The following ZNF333 variants were observed in gnomAD, a reference collection of about 807,000 sequenced individuals.
ZNF333 encodes zinc finger protein 333.
In ZNF333, 61 loss-of-function variants were observed where a neutral mutation model predicts 76.1. The ratio of observed to expected loss-of-function variants is 0.80; its 90% CI spans 0.65 to 0.99. The LOEUF is 0.99. Ranked by LOEUF, ZNF333 falls within the 50% of genes least tolerant of loss-of-function variation. The pLI is 0.00. For synonymous variants in ZNF333, 284 were observed against 305.0 expected, an observed-to-expected ratio of 0.93 and a Z score of 0.72; for missense variants, 717 against 822.4, an observed-to-expected ratio of 0.87 and a Z score of 1.57.
chr19:14,712,671 C>T (rs1308609942), intron 7 of ZNF333, among the ~76,000 whole-genome samples: 1 of 152,092 alleles, frequency 6.6e-6, no homozygotes, highest in Non-Finnish European at 1.5e-5. Flanking sequence ...CCTTGGTGCT[C>T]CTTGGCTTGT....
At chr19:14,697,363 T>C (rs1238427016) in intron 4 of ZNF333, among the ~76,000 whole-genome samples, 10 of 143,682 alleles carry the variant, frequency 7.0e-5, no homozygotes, top group Non-Finnish European at 1.5e-4. Context: ...TTTTCTTTTT[T>C]TTTTTTTTTT....
rs1157850245 is a variant in ZNF333, at chr19:14,715,409, T to C, written c.539T>C (p.Leu180Pro). 2 of 1,614,058 alleles carry C rather than the reference T, an allele frequency of 1.2e-6. No homozygotes were observed. The highest frequency in any genetic ancestry group is 1.7e-6 in the Non-Finnish European group (2 of 1,179,954). Residue 180 changes from leucine to proline, a missense_variant, in exon 8 of 12, where the codon CTT (leucine) becomes CCT (proline). Physicochemically the swap from Leu to Pro is moderately conservative, Grantham distance 98 (BLOSUM62 -3). Transcript: ENST00000292530. Reference sequence around the variant, plus strand: ...GTGCCTGCACGTGACCCTGCCTGGCTTCAGGAGGACAAAGTGGAGGAAGAA... The same window carrying C: ...GTGCCTGCACGTGACCCTGCCTGGCCTCAGGAGGACAAAGTGGAGGAAGAA... Reference protein sequence around the residue: ...SAVPARDPAWLQEDKVEEEAM... With the variant: ...SAVPARDPAWPQEDKVEEEAM...
In ZNF333 at chr19:14,719,719, A is replaced by C; in HGVS notation, c.*394A>C. ...TTTGTTGTTGGTTTCTAATTTAATTACATGGTGAGAAGAGTATGTGGCCTC... is the reference window on the plus strand; with the variant it reads ...TTTGTTGTTGGTTTCTAATTTAATTCCATGGTGAGAAGAGTATGTGGCCTC... On this transcript the variant is annotated 3_prime_UTR_variant, in exon 12 of 12. Transcript: ENST00000292530. 1 of 1,005,688 alleles carries C rather than the reference A, an allele frequency of 9.9e-7. No individual in the cohort carries two copies. Among genetic ancestry groups the C allele is most frequent in the South Asian group, 4.3e-5 (1 of 23,162 alleles). 62.3% of individuals were successfully genotyped at this position (1,005,688 alleles called of 1,614,324 possible).
chr19:14,696,162 C>CTTTGTT, intron 4 of ZNF333, among the ~76,000 whole-genome samples: 5 of 152,160 alleles, frequency 3.3e-5, no homozygotes, highest in African/African-American at 1.2e-4. Context: ...TAGAGCGAGA[C>CTTTGTT]TCTGTCTCCA....
intron 7 of ZNF333, chr19:14,708,471 G>T (rs772086662): frequency 2.6e-6 from 1 of 389,578 alleles, no homozygotes; most frequent in Non-Finnish European, 4.5e-6. Flanking sequence ...GTGGAAGTGT[G>T]TTATACAAGG....
downstream of ZNF333, among the ~76,000 whole-genome samples, chr19:14,722,654 C>T (rs1364611999): frequency 6.6e-6 from 1 of 152,120 alleles, no homozygotes; most frequent in Non-Finnish European, 1.5e-5. Flanking sequence ...CTTTAGATGT[C>T]ATATCCAAAA....
At position 14,690,093 on chromosome 19, in the gene ZNF333, T is replaced by TGCGCG. The variant is rs201562479; in HGVS notation, c.-87_-83dup. ...GCGGCCGACGGCGGCTGAGCTGTGC[T>TGCGCG]GCGCGGCGCGGCGCGGTGCGGCACG... is the stretch of plus-strand genomic sequence containing the variant. On this transcript the variant is annotated 5_prime_UTR_variant, in exon 1 of 12. Transcript: ENST00000292530. The TGCGCG allele has an allele frequency of 0.16, 23,518 of 147,656 alleles. 2,192 individuals carry two copies. Among genetic ancestry groups the TGCGCG allele is most frequent in the Middle Eastern group, 0.26 (73 of 286 alleles). 9.1% of individuals were successfully genotyped at this position (147,656 alleles called of 1,614,324 possible). A position where few individuals can be genotyped will look rare whatever the true frequency, so the allele number is the denominator to read the frequency against.
At chr19:14,695,843 C>T (rs1278565610) in intron 4 of ZNF333, among the ~76,000 whole-genome samples, 182 bp downstream of exon 4, 1 of 152,156 alleles carries the variant, frequency 6.6e-6, no homozygotes, top group East Asian at 1.9e-4. Flanking sequence ...TCCTCTCCTA[C>T]TTTCCTTTGG....
At chr19:14,693,331 T>G in intron 1 of ZNF333, 120 bp from the exon 2 acceptor site, 6 of 621,636 alleles carry the variant, frequency 9.7e-6, no homozygotes, top group African/African-American at 1.8e-5. Context: ...GCCAACATGT[T>G]GCTTATGGAG....
intron 4 of ZNF333, among the ~76,000 whole-genome samples, chr19:14,697,387 G>C (rs1241316622): frequency 7.5e-6 from 1 of 133,024 alleles, no homozygotes; most frequent in Non-Finnish European, 1.6e-5. Flanking sequence ...TTTGAGATAG[G>C]GTCTTGTTCT....
chr19:14,732,655 AAAG>A (rs2042683175), exon 12 of ZNF333: 2 of 152,214 alleles, frequency 1.3e-5, no homozygotes, highest in African/African-American at 2.4e-5. Context: ...AAACAAATAA[AAAG>A]AAGAATGATA....
intron 11 of ZNF333, 77 bp downstream of exon 11, chr19:14,717,810 C>T (rs1231120326): frequency 9.7e-6 from 14 of 1,443,790 alleles, no homozygotes; most frequent in African/African-American, 1.4e-5. Flanking sequence ...AGAAAAGCAG[C>T]CCAAGAGCCA....
intron 7 of ZNF333, chr19:14,708,102 G>T (rs2042168489): frequency 5.1e-6 from 2 of 390,520 alleles, no homozygotes; most frequent in Non-Finnish European, 9.0e-6. Context: ...CTGCCTCCCG[G>T]GTTCAAGCGA....
At chr19:14,712,722 T>C (rs560048206) in intron 7 of ZNF333, among the ~76,000 whole-genome samples, 1 of 152,278 alleles carries the variant, frequency 6.6e-6, no homozygotes, top group East Asian at 1.9e-4. Context: ...GCCTCATGGC[T>C]GTGTCACCTC....
chr19:14,704,709 A>G (rs1160028767), intron 5 of ZNF333, among the ~76,000 whole-genome samples: 2 of 152,206 alleles, frequency 1.3e-5, no homozygotes, highest in Non-Finnish European at 2.9e-5. Context: ...CTTACTCATT[A>G]TCACGAGAAC....
chr19:14,706,296 G>A (rs1372671354), intron 6 of ZNF333: 3 of 387,994 alleles, frequency 7.7e-6, no homozygotes, highest in Middle Eastern at 4.4e-4. Flanking sequence ...CCAAGGAGAG[G>A]TCTTCCTCCC....
chr19:14,727,322 C>T (rs1039060209), intron 11 of ZNF333, among the ~76,000 whole-genome samples: 1 of 152,148 alleles, frequency 6.6e-6, no homozygotes, highest in African/African-American at 2.4e-5. Flanking sequence ...GCCACCAAGC[C>T]CGGCCCAAGA....
At chr19:14,727,298 G>T (rs1023141376) in intron 11 of ZNF333, among the ~76,000 whole-genome samples, 1 of 152,134 alleles carries the variant, frequency 6.6e-6, no homozygotes, top group Non-Finnish European at 1.5e-5. Flanking sequence ...AAAATGCTGG[G>T]ATTACAGGTG....
chr19:14,691,492 T>C lies in ZNF333; in HGVS notation c.-42+1342T>C, dbSNP rs1972769131. On this transcript the variant is annotated intron_variant, in intron 1 of 11. Transcript: ENST00000292530. ...AAAAATTAACTCCAGAGGAAAATCA[T>C]GCATCAGATTTCAGTTTTACGAGTG... Among the ~76,000 whole-genome samples, 9 of 152,322 alleles carry C rather than the reference T, an allele frequency of 5.9e-5. 1 individual carries two copies. The South Asian group carries it at 1.9e-3, about 32-fold the overall frequency.
Sources: allele counts gnomAD v4.1 joint callset (sites outside exome capture counted in the v4.1 genomes callset), GRCh38; gene constraint gnomAD v4.1.1; transcripts MANE v1.5; gene names NCBI Gene and HGNC (gene_info 2026-07-23, HGNC 2026-07-21).